MIPEP: variants seen among roughly 807,000 people sequenced by gnomAD.
MIPEP encodes mitochondrial intermediate peptidase.
In MIPEP, 79 loss-of-function variants were observed where a neutral mutation model predicts 90.3. The ratio of observed to expected loss-of-function variants is 0.87; its 90% CI spans 0.73 to 1.05. The LOEUF is 1.05. Among genes scored for constraint, MIPEP ranks in the 50% least tolerant of loss-of-function variants. The probability of loss-of-function intolerance (pLI) is 0.00; values close to 1 mark genes in which losing one functional copy is unlikely to be tolerated. For missense variants in MIPEP, 940 were observed against 905.6 expected, an observed-to-expected ratio of 1.04 and a Z score of -0.49; for synonymous variants, 334 against 315.8, an observed-to-expected ratio of 1.06 and a Z score of -0.61.
chr13:23,773,542 T>A (rs1243605931), intron 16 of MIPEP, among the ~76,000 whole-genome samples: 1 of 152,220 alleles, frequency 6.6e-6, no homozygotes. Context: ...GCTATGAGAC[T>A]GTTTCCCAGA....
rs1314531914 is a variant in MIPEP, at chr13:23,834,565, G to C, written c.1653+1675C>G. ...GCAGACTGGTAAATATTAAAACTCA[G>C]CAAGTGTTTTCTGACTGAAGGGCCT... is the stretch of plus-strand genomic sequence containing the variant. On this transcript the variant is annotated intron_variant, in intron 14 of 18. Transcript: ENST00000382172. Among the ~76,000 whole-genome samples the C allele has an allele frequency of 2.6e-5, 4 of 152,358 alleles. No individual in the cohort carries two copies. The East Asian group carries it at 7.7e-4, about 29-fold the overall frequency.
In MIPEP at chr13:23,869,353, C is replaced by T; in HGVS notation, c.882G>A (p.Lys294=). ...ELLSSRDLLA[K]LVGYSTFSHR... is the part of the protein sequence containing the mutation. ...GAGAAAACGTGGAATACCCCACCAA[C>T]TTTGCCAGAAGATCTCTGCTGCTGA... The change falls in exon 7 of 19, where the codon AAG becomes AAA. Residue 294 remains lysine (K), a synonymous_variant. Transcript: ENST00000382172. The T allele has an allele frequency of 6.2e-7, 1 of 1,613,610 alleles. No individual in the cohort carries two copies. The highest frequency in any genetic ancestry group is 1.3e-5 in the African/African-American group (1 of 75,056).
intron 10 of MIPEP, among the ~76,000 whole-genome samples, chr13:23,853,284 C>T (rs1450741640): frequency 6.6e-6 from 1 of 152,172 alleles, no homozygotes; most frequent in Non-Finnish European, 1.5e-5. Flanking sequence ...GAGCAACTTC[C>T]AGTCCTGCAA....
chr13:23,779,693 G>A (rs1203268799), intron 16 of MIPEP, among the ~76,000 whole-genome samples: 2 of 152,138 alleles, frequency 1.3e-5, no homozygotes, highest in African/African-American at 4.8e-5. Flanking sequence ...GGGGTCAGGG[G>A]ATTCTCTTTC....
At chr13:23,853,814 C>G (rs1248483294) in intron 10 of MIPEP, among the ~76,000 whole-genome samples, 1 of 151,914 alleles carries the variant, frequency 6.6e-6, no homozygotes, top group African/African-American at 2.4e-5. Context: ...GATCCACCCG[C>G]CTCAGCCTCC....
chr13:23,855,574 T>C (rs934352795), intron 10 of MIPEP, among the ~76,000 whole-genome samples: 14 of 152,222 alleles, frequency 9.2e-5, no homozygotes, highest in African/African-American at 2.9e-4. Context: ...TGTTCCACTC[T>C]TCTAACCCCA....
chr13:23,870,931 T>A (rs528152156), intron 5 of MIPEP, among the ~76,000 whole-genome samples: 13 of 152,256 alleles, frequency 8.5e-5, no homozygotes, highest in Non-Finnish European at 1.3e-4. Context: ...CAGCCCTATG[T>A]GGGGCTGAGG....
chr13:23,789,828 G>T (rs898532553), intron 16 of MIPEP, among the ~76,000 whole-genome samples: 3 of 152,022 alleles, frequency 2.0e-5, no homozygotes, highest in Non-Finnish European at 4.4e-5. Context: ...CAGTTCCACT[G>T]CGATCAGTCT....
At chr13:23,798,719 C>A (rs1213540209) in intron 16 of MIPEP, among the ~76,000 whole-genome samples, 1 of 152,084 alleles carries the variant, frequency 6.6e-6, no homozygotes, top group Admixed American at 6.6e-5. Flanking sequence ...GTATGTGGCA[C>A]CTACCCTCTC....
At chr13:23,888,599 T>A (rs1372232664) in intron 1 of MIPEP, 1 of 614,956 alleles carries the variant, frequency 1.6e-6, no homozygotes, top group African/African-American at 2.0e-5. Context: ...CAGAGTTTTG[T>A]GTTTTAAAAC....
At chr13:23,731,583 G>A (rs561817300) in intron 18 of MIPEP, among the ~76,000 whole-genome samples, 1 of 152,100 alleles carries the variant, frequency 6.6e-6, no homozygotes, top group Non-Finnish European at 1.5e-5. Context: ...CCTGAAGTAG[G>A]TATAGTTTCT....
At chr13:23,789,529 T>C (rs963121537) in intron 16 of MIPEP, among the ~76,000 whole-genome samples, 1 of 152,204 alleles carries the variant, frequency 6.6e-6, no homozygotes, top group Non-Finnish European at 1.5e-5. Flanking sequence ...CTCAGTCTAT[T>C]CTGGCCCCAT....
chr13:23,788,468 C>G (rs1433255459), intron 16 of MIPEP, among the ~76,000 whole-genome samples: 1 of 152,208 alleles, frequency 6.6e-6, no homozygotes, highest in Admixed American at 6.5e-5. Context: ...GACTGCTGAA[C>G]CAAGGGCAGG....
chr13:23,758,049 T>C (rs1382328804), intron 17 of MIPEP, among the ~76,000 whole-genome samples: 1 of 152,202 alleles, frequency 6.6e-6, no homozygotes, highest in East Asian at 1.9e-4. Context: ...AAAAACATGC[T>C]GACATCAAAC....
chr13:23,874,907 C>T lies in MIPEP; in HGVS notation c.542G>A (p.Arg181Gln), dbSNP rs201343071. 55 of 1,598,464 alleles carry T rather than the reference C, an allele frequency of 3.4e-5. No homozygotes were observed. Among genetic ancestry groups the T allele is most frequent in the African/African-American group, 2.7e-4 (20 of 73,906 alleles). ...LVDSLDPETRRVAELFMFDFE... is the reference protein window; with the variant it reads ...LVDSLDPETRQVAELFMFDFE... ...ATCAAACATAAACAGTTCAGCCACT[C>T]GCCTATAAATGAAATGAGCCCCAGG... Residue 181 changes from arginine (R) to glutamine (Q), a missense_variant and splice_region_variant, in exon 5 of 19, where the codon CGA becomes CAA. Transcript: ENST00000382172.
intron 14 of MIPEP, among the ~76,000 whole-genome samples, chr13:23,830,644 A>G (rs9510882): frequency 0.19 from 28,613 of 152,232 alleles, 3,155 homozygotes; most frequent in Non-Finnish European, 0.25. Flanking sequence ...GCCTCCTTAG[A>G]ATTCCCTTCC....
intron 9 of MIPEP, among the ~76,000 whole-genome samples, chr13:23,861,318 A>G (rs185410165): frequency 2.5e-4 from 38 of 152,184 alleles, no homozygotes; most frequent in Non-Finnish European, 3.7e-4. Flanking sequence ...TTTGTTTTTT[A>G]TTTTTCTGTT....
At chr13:23,889,038 G>C (rs187130451) in intron 1 of MIPEP, 94 bp downstream of exon 1, 2 of 1,195,624 alleles carry the variant, frequency 1.7e-6, no homozygotes, top group African/African-American at 3.2e-5. Context: ...CCTCCTCCCA[G>C]GCCCAAACAA....
chr13:23,841,235 A>G (rs2137462980), intron 11 of MIPEP, 100 bp downstream of exon 11: 1 of 1,055,150 alleles, frequency 9.5e-7, no homozygotes, highest in African/African-American at 1.6e-5. Context: ...GGACACACTC[A>G]GTCAGGGCAA....
Sources: gnomAD v4.1 joint callset for allele counts (sites outside exome capture counted in the v4.1 genomes callset) on GRCh38, gnomAD v4.1.1 for gene constraint, MANE v1.5 for transcripts, NCBI Gene and HGNC (gene_info 2026-07-23, HGNC 2026-07-21) for gene names.